The following RRP7A variants were observed in gnomAD, a reference collection of about 807,000 sequenced individuals.
RRP7A encodes ribosomal RNA-processing protein 7 homolog A.
A neutral mutation model predicts 38.4 loss-of-function variants in RRP7A; 27 were observed. The observed-to-expected ratio is 0.70, with a 90% confidence interval of 0.52 to 0.97. The LOEUF is 0.97. Among genes scored for constraint, RRP7A ranks in the 50% least tolerant of loss-of-function variants. The probability of loss-of-function intolerance (pLI) is 0.00; values close to 1 mark genes in which losing one functional copy is unlikely to be tolerated. For missense variants in RRP7A, 327 were observed against 375.4 expected (o/e 0.87, Z 1.07); for synonymous variants, 124 against 150.3 (o/e 0.83, Z 1.28).
intron 2 of RRP7A, 94 bp from the exon 3 acceptor site, chr22:42,516,230 C>T (rs756470344): frequency 2.7e-5 from 41 of 1,533,544 alleles, no homozygotes; most frequent in African/African-American, 1.4e-4. Context: ...GGTCCAGCGC[C>T]GCTGAAGGAC....
intron 6 of RRP7A, among the ~76,000 whole-genome samples, chr22:42,513,524 T>C (rs1296356603): frequency 8.8e-6 from 1 of 114,152 alleles, no homozygotes; most frequent in Non-Finnish European, 1.9e-5. Flanking sequence ...GCAGAGCCCG[T>C]CCCTGTGCCC....
chr22:42,512,573 C>G lies in RRP7A; in HGVS notation c.*337G>C. The G allele has an allele frequency of 1.8e-6, 1 of 540,828 alleles. No homozygotes were observed. The highest frequency in any genetic ancestry group is 2.2e-5 in the South Asian group (1 of 45,444). The allele number at this position is 540,828 out of a possible 1,614,324, so 33.5% of individuals were successfully genotyped here. ...TCTTGTATTCTCACTGCTTTTGAGG[C>G]TTTTTCGTTGCCAGCAAGGGCTTTT... On this transcript the variant is annotated 3_prime_UTR_variant, in exon 7 of 7. Coordinates refer to ENST00000323013, the MANE Select transcript of RRP7A (RefSeq NM_015703.5).
At chr22:42,516,425 TCA>T (rs1446484775) in intron 2 of RRP7A, 2 of 462,142 alleles carry the variant, frequency 4.3e-6, no homozygotes, top group Non-Finnish European at 8.4e-6. Flanking sequence ...TTCTCATGCC[TCA>T]GTCTCCCGAG....
chr22:42,514,290 G>C lies in RRP7A; in HGVS notation c.573C>G (p.Ala191=). 1.3e-6 allele frequency: 2 copies of C among 1,582,030 alleles called. No individual in the cohort carries two copies. Among genetic ancestry groups the C allele is most frequent in the South Asian group, 2.2e-5 (2 of 90,014 alleles). Residue 191 remains alanine (A), a synonymous_variant, in exon 6 of 7, where the codon GCC becomes GCG. Transcript: ENST00000323013. ...CGTCAGGGACCCCCTCCTCCTCCTT[G>C]GCCTTAGCTTCTTCCTGCAAGGAAG... ...DQKIAEEEAK[A]KEEEGVPDEE... is the part of the protein sequence containing the mutation.
rs1932436348 is a variant in RRP7A at position 42,510,847 on chromosome 22, C to T, written c.*2063G>A. 2 of 1,155,680 alleles carry T rather than the reference C, an allele frequency of 1.7e-6. No individual in the cohort carries two copies. Among genetic ancestry groups the T allele is most frequent in the South Asian group, 2.5e-5 (1 of 39,284 alleles). The allele number at this position is 1,155,680 out of a possible 1,614,324, so 71.6% of individuals were successfully genotyped here. ...TGCCCCCAGGCCCAACAAGTGACCA[C>T]CAGGATCTATCAGGCCTCATGCTCC... On this transcript the variant is annotated 3_prime_UTR_variant, in exon 7 of 7. Transcript: ENST00000323013.
chr22:42,514,192 C>T lies in RRP7A; in HGVS notation c.671G>A (p.Arg224Gln), dbSNP rs1486962394. 7.4e-6 allele frequency: 12 copies of T among 1,612,244 alleles called. No homozygotes were observed. Among genetic ancestry groups the T allele is most frequent in the East Asian group, 2.2e-5 (1 of 44,858 alleles). The part of the protein sequence containing the change: ...VLPRTEAASL[R>Q]VLERERRKRS... ...CTTCCGTCTCTCCCTCTCCAGCACC[C>T]GCAAGCTGGCTGCCTCAGTCCGGGG... The change falls in exon 6 of 7, where the codon CGG (arginine) becomes CAG (glutamine). Residue 224 changes from arginine to glutamine, a missense_variant. Physicochemically the swap from Arg to Gln is conservative, Grantham distance 43. Coordinates refer to ENST00000323013, the MANE Select transcript of RRP7A (RefSeq NM_015703.5).
chr22:42,511,401 C>T lies in RRP7A; in HGVS notation c.*1509G>A, dbSNP rs1385978480. The T allele has an allele frequency of 6.5e-6, 1 of 152,800 alleles. No homozygotes were observed. Among genetic ancestry groups the T allele is most frequent in the East Asian group, 1.9e-4 (1 of 5,192 alleles). 9.5% of individuals were successfully genotyped at this position (152,800 alleles called of 1,614,324 possible). On this transcript the variant is annotated 3_prime_UTR_variant, in exon 7 of 7. Transcript: ENST00000323013. ...TGTTGGCCAGGCTGGTCTCAAACTC[C>T]TGACCTCAGGCGATCCGCCCACCTT...
rs2281104 is a variant in RRP7A, at chr22:42,511,335, C to T, written c.*1575G>A. ...GGGATTACAGGCACCTGCCACCATG[C>T]CCAGCTAATTTTTATATTTTTAAGA... On this transcript the variant is annotated 3_prime_UTR_variant, in exon 7 of 7. Coordinates refer to ENST00000323013, the MANE Select transcript of RRP7A (RefSeq NM_015703.5). The T allele has an allele frequency of 0.1, 15,445 of 152,168 alleles. 1,973 individuals are homozygous for T. The highest frequency in any genetic ancestry group is 0.75 in the East Asian group (3,825 of 5,134). The allele number at this position is 152,168 out of a possible 1,614,324, so 9.4% of individuals were successfully genotyped here.
Position 42,510,639 on chromosome 22 carries a change from A to C in RRP7A, c.*2271T>G. 4 of 1,311,812 alleles carry C rather than the reference A, an allele frequency of 3.0e-6. No individual in the cohort carries two copies. The South Asian group carries it at 5.2e-5, about 17-fold the overall frequency. 81.3% of individuals were successfully genotyped at this position (1,311,812 alleles called of 1,614,324 possible). A position where few individuals can be genotyped will look rare whatever the true frequency, so the allele number is the denominator to read the frequency against. On this transcript the variant is annotated 3_prime_UTR_variant, in exon 7 of 7. Coordinates refer to ENST00000323013, the MANE Select transcript of RRP7A (RefSeq NM_015703.5). ...AACTCCTCACTTTCCAGAGCAGTCCACGGATATTTTGATCCAAGAGAGAAT... is the reference window on the plus strand; with the variant it reads ...AACTCCTCACTTTCCAGAGCAGTCCCCGGATATTTTGATCCAAGAGAGAAT...
chr22:42,509,302 T>C lies in RRP7A; in HGVS notation c.*3608A>G, dbSNP rs1037346406. Among the ~76,000 whole-genome samples the C allele has an allele frequency of 1.3e-5, 2 of 151,130 alleles. No individual in the cohort carries two copies. The highest frequency in any genetic ancestry group is 3.0e-5 in the Non-Finnish European group (2 of 67,648). ...GAGGAAGGTCAGAGGAGGGGAGGGC[T>C]CAGGCAGCAGGGGATGGGCCGGGGC... On this transcript the variant is annotated 3_prime_UTR_variant, in exon 7 of 7. Coordinates refer to ENST00000323013, the MANE Select transcript of RRP7A (RefSeq NM_015703.5).
Position 42,512,934 on chromosome 22 carries a change from G to A in RRP7A, c.819C>T (p.Ala273=). 6 of 1,613,586 alleles carry A rather than the reference G, an allele frequency of 3.7e-6. No individual in the cohort carries two copies. The highest frequency in any genetic ancestry group is 1.7e-5 in the Admixed American group (1 of 60,010). Residue 273 remains alanine (A), a synonymous_variant, in exon 7 of 7, where the codon GCC becomes GCT. Coordinates refer to ENST00000323013, the MANE Select transcript of RRP7A (RefSeq NM_015703.5). ...CTCAGTACGGTCGGAATTTGCGCTG[G>A]GCCCGCAGCAGCTCGATCCTCTGCT... ...EDKQRIELLR[A]QRKFRPY
intron 1 of RRP7A, among the ~76,000 whole-genome samples, chr22:42,519,192 C>G (rs2096946906): frequency 1.3e-5 from 2 of 150,246 alleles, no homozygotes; most frequent in South Asian, 4.2e-4. Context: ...CCTGATAAAG[C>G]CACTGGAGGG....
intron 2 of RRP7A, 197 bp from the exon 3 acceptor site, chr22:42,516,333 GCT>G (rs1920929672): frequency 2.8e-6 from 2 of 721,328 alleles, no homozygotes; most frequent in African/African-American, 1.8e-5. Flanking sequence ...TGATATTCCT[GCT>G]CTTTTTTTTT....
At chr22:42,518,461 C>T (rs537699080) in intron 1 of RRP7A, among the ~76,000 whole-genome samples, 9 of 152,246 alleles carry the variant, frequency 5.9e-5, no homozygotes, top group African/African-American at 2.2e-4. Context: ...CTAACCATGG[C>T]TGGAAGCCCC....
rs1311429731 is a variant in RRP7A at position 42,509,458 on chromosome 22, G to C, written c.*3452C>G. Among the ~76,000 whole-genome samples, 1 of 150,544 alleles carries C rather than the reference G, an allele frequency of 6.6e-6. No individual in the cohort carries two copies. The highest frequency in any genetic ancestry group is 6.7e-5 in the Admixed American group (1 of 14,982). ...AACGATTCTCCTGCCTCAGCCTCCC[G>C]AGTAGCTGGGACTACAGGCGCCCGC... On this transcript the variant is annotated 3_prime_UTR_variant, in exon 7 of 7. Transcript: ENST00000323013.
intron 2 of RRP7A, among the ~76,000 whole-genome samples, chr22:42,516,809 T>C (rs1195885285): frequency 6.6e-6 from 1 of 152,214 alleles, no homozygotes; most frequent in Non-Finnish European, 1.5e-5. Context: ...TACACAGCTA[T>C]GTTCTGTCTC....
At chr22:42,517,451 G>A (rs1348779884) in intron 2 of RRP7A, among the ~76,000 whole-genome samples, 1 of 151,686 alleles carries the variant, frequency 6.6e-6, no homozygotes, top group Non-Finnish European at 1.5e-5. Context: ...TGTACAATCT[G>A]GAAGAAAACA....
Position 42,510,698 on chromosome 22 carries a change from G to A in RRP7A, c.*2212C>T, listed in dbSNP as rs1333909258. 2.0e-6 allele frequency: 3 copies of A among 1,493,616 alleles called. No homozygotes were observed. Among genetic ancestry groups the A allele is most frequent in the African/African-American group, 1.4e-5 (1 of 71,204 alleles). The allele number at this position is 1,493,616 out of a possible 1,614,324, so 92.5% of individuals were successfully genotyped here. ...CAAGGAGTCCCTGTCGTTCATGATA[G>A]ACACAATGAAATCCACCCTCAAAGA... On this transcript the variant is annotated 3_prime_UTR_variant, in exon 7 of 7. Transcript: ENST00000323013.
chr22:42,513,149 G>A (rs1435415341), intron 6 of RRP7A, among the ~76,000 whole-genome samples, 154 bp from the exon 7 acceptor site: 1 of 147,450 alleles, frequency 6.8e-6, no homozygotes, highest in Non-Finnish European at 1.5e-5. Context: ...TGGGGGCAGG[G>A]TCTGGATCTT....
Sources: gnomAD v4.1 joint callset for allele counts (sites outside exome capture counted in the v4.1 genomes callset) on GRCh38, gnomAD v4.1.1 for gene constraint, MANE v1.5 for transcripts, NCBI Gene and HGNC (gene_info 2026-07-23, HGNC 2026-07-21) for gene names.